ABCB11: variants seen among roughly 807,000 people sequenced by gnomAD.
ABCB11 encodes ATP binding cassette subfamily B member 11.
In ABCB11, 95 loss-of-function variants were observed where a neutral mutation model predicts 148.0. The observed-to-expected ratio is 0.64, with a 90% CI of 0.54 to 0.76. The LOEUF is 0.76. ABCB11 is among the 30% of genes least tolerant of loss of function. The pLI is 0.00. For synonymous variants in ABCB11, 591 were observed against 555.4 expected, an observed-to-expected ratio of 1.06 and a Z score of -0.90; for missense variants, 1,523 against 1,617.8, an observed-to-expected ratio of 0.94 and a Z score of 1.01.
intron 19 of ABCB11, among the ~76,000 whole-genome samples, chr2:168,953,359 G>A (rs1054732954): frequency 1.3e-5 from 2 of 149,950 alleles, no homozygotes; most frequent in Admixed American, 1.3e-4. Flanking sequence ...GCTTATATTT[G>A]TTTTGTGAAT....
At chr2:168,946,278 T>C (rs1390776137) in intron 19 of ABCB11, among the ~76,000 whole-genome samples, 1 of 151,892 alleles carries the variant, frequency 6.6e-6, no homozygotes, top group African/African-American at 2.4e-5. Flanking sequence ...AAGGAGACCA[T>C]TTATTCAAAA....
chr2:169,019,113 C>A (rs538569711), intron 1 of ABCB11, among the ~76,000 whole-genome samples: 1 of 152,174 alleles, frequency 6.6e-6, no homozygotes, highest in African/African-American at 2.4e-5. Flanking sequence ...AAACTGCTGG[C>A]CACCATTGAA....
At chr2:168,982,090 C>A (rs561379784) in intron 10 of ABCB11, among the ~76,000 whole-genome samples, 17 of 152,258 alleles carry the variant, frequency 1.1e-4, no homozygotes, top group African/African-American at 3.8e-4. Flanking sequence ...ACATCATATT[C>A]TTTAGCCCTG....
chr2:168,996,054 TAC>T (rs1694705497), intron 6 of ABCB11, among the ~76,000 whole-genome samples: 1 of 151,342 alleles, frequency 6.6e-6, no homozygotes, highest in South Asian at 2.1e-4. Context: ...CATTTCTCTT[TAC>T]AAACAGCACT....
chr2:168,936,857 C>T (rs1397441173), intron 21 of ABCB11, among the ~76,000 whole-genome samples: 2 of 152,056 alleles, frequency 1.3e-5, no homozygotes, highest in Non-Finnish European at 2.9e-5. Context: ...AGCAGGTATA[C>T]AAATTTCATT....
At chr2:169,021,905 T>C (rs1470238661) in intron 1 of ABCB11, among the ~76,000 whole-genome samples, 1 of 152,040 alleles carries the variant, frequency 6.6e-6, no homozygotes, top group African/African-American at 2.4e-5. Context: ...TATGTATTTC[T>C]CTATATTGTT....
At chr2:168,984,584 T>C (rs999617363) in intron 10 of ABCB11, among the ~76,000 whole-genome samples, 2 of 152,172 alleles carry the variant, frequency 1.3e-5, no homozygotes, top group African/African-American at 4.8e-5. Flanking sequence ...AGTACATTTA[T>C]TAGTATATAT....
chr2:168,926,698 C>A (rs1056372731), intron 26 of ABCB11, among the ~76,000 whole-genome samples: 1 of 152,142 alleles, frequency 6.6e-6, no homozygotes, highest in African/African-American at 2.4e-5. Context: ...AAATAAATTG[C>A]ATATCCTTTG....
intron 15 of ABCB11, 34 bp from the exon 16 acceptor site, chr2:168,969,585 CTG>C: frequency 6.4e-7 from 1 of 1,570,402 alleles, no homozygotes; most frequent in Non-Finnish European, 8.7e-7. Flanking sequence ...TTAAACAAAA[CTG>C]TGAGACAGAG....
At chr2:168,988,329 A>G (rs756376738) in intron 9 of ABCB11, among the ~76,000 whole-genome samples, 4 of 152,002 alleles carry the variant, frequency 2.6e-5, no homozygotes, top group Non-Finnish European at 4.4e-5. Context: ...TGCTTCTGTG[A>G]GTTCAACTCT....
At chr2:168,995,558 C>T in intron 6 of ABCB11, 76 bp from the exon 7 acceptor site, 1 of 1,471,370 alleles carries the variant, frequency 6.8e-7, no homozygotes, top group South Asian at 1.3e-5. Flanking sequence ...GAAGAAAGTA[C>T]TTTCAATACA....
chr2:168,925,274 C>T (rs965315333), intron 26 of ABCB11, among the ~76,000 whole-genome samples: 13 of 152,192 alleles, frequency 8.5e-5, no homozygotes, highest in Admixed American at 2.0e-4. Flanking sequence ...CACTCTGCTG[C>T]TTACTAGCTT....
At chr2:169,003,334 G>GTT (rs1379356439) in intron 5 of ABCB11, among the ~76,000 whole-genome samples, 10 of 149,214 alleles carry the variant, frequency 6.7e-5, no homozygotes, top group Non-Finnish European at 3.0e-5. Context: ...GTGTGTGTGT[G>GTT]TGTGTGTGTG....
intron 1 of ABCB11, among the ~76,000 whole-genome samples, chr2:169,026,899 A>G (rs1695714627): frequency 6.6e-6 from 1 of 152,010 alleles, no homozygotes; most frequent in South Asian, 2.1e-4. Context: ...TTGCCACATT[A>G]TTTTTCCTCA....
chr2:168,981,017 C>T (rs1694117661), intron 10 of ABCB11, among the ~76,000 whole-genome samples: 1 of 152,136 alleles, frequency 6.6e-6, no homozygotes, highest in Admixed American at 6.5e-5. Context: ...TATTGCCAAG[C>T]CAAAGAGTGG....
chr2:168,951,975 T>C (rs1692589261), intron 19 of ABCB11, among the ~76,000 whole-genome samples: 1 of 151,790 alleles, frequency 6.6e-6, no homozygotes, highest in Non-Finnish European at 1.5e-5. Flanking sequence ...GTTGAATGTT[T>C]TTTCTGCATC....
intron 12 of ABCB11, among the ~76,000 whole-genome samples, chr2:168,975,709 TTC>T (rs201020391): frequency 0.23 from 8,875 of 38,780 alleles, 2,733 homozygotes; most frequent in East Asian, 0.58. Context: ...TATGTTTACC[TTC>T]TCTCTGTATA....
At chr2:168,962,768 T>C (rs1693132455) in intron 18 of ABCB11, among the ~76,000 whole-genome samples, 1 of 151,706 alleles carries the variant, frequency 6.6e-6, no homozygotes, top group South Asian at 2.1e-4. Context: ...GACAGCACCA[T>C]GGACTCAATG....
chr2:168,995,348 C>T lies in ABCB11; in HGVS notation c.611+1G>A, dbSNP rs769134865. 6.8e-6 allele frequency: 11 copies of T among 1,611,166 alleles called. No homozygotes were observed. The highest frequency in any genetic ancestry group is 9.3e-6 in the Non-Finnish European group (11 of 1,178,394). On this transcript the variant is annotated splice_donor_variant, in intron 7 of 27. Coordinates refer to ENST00000650372, the MANE Select transcript of ABCB11 (RefSeq NM_003742.4). LOFTEE classifies it high-confidence loss of function. ...AAAATACTGTTTTACCAGCTACTTA[C>T]TCAGAGAATCTTGTATTCAGCTCCC...
Sources: gnomAD v4.1 joint callset for allele counts (sites outside exome capture counted in the v4.1 genomes callset) on GRCh38, gnomAD v4.1.1 for gene constraint, MANE v1.5 for transcripts, NCBI Gene and HGNC (gene_info 2026-07-23, HGNC 2026-07-21) for gene names.